Variants in STK32A observed in about 807,000 individuals in gnomAD.
The protein encoded by STK32A is serine/threonine kinase 32A, also known as serine/threonine-protein kinase 32A.
A neutral mutation model predicts 53.2 loss-of-function variants in STK32A; 41 were observed. That is an observed-to-expected ratio of 0.77 (90% confidence interval 0.60 to 1.00). The LOEUF (loss-of-function observed/expected upper bound fraction) is 1.00. STK32A is among the 50% of genes least tolerant of loss of function. The probability of loss-of-function intolerance (pLI) is 0.00; values close to 1 mark genes in which losing one functional copy is unlikely to be tolerated. For synonymous variants in STK32A, 166 were observed against 162.8 expected (o/e 1.02, Z -0.15); for missense variants, 458 against 485.8 (o/e 0.94, Z 0.54).
chr5:147,346,889 C>T (rs1755717350), intron 6 of STK32A, among the ~76,000 whole-genome samples: 2 of 152,154 alleles, frequency 1.3e-5, no homozygotes, highest in Non-Finnish European at 2.9e-5. Context: ...GAGGCAAAAA[C>T]TCAGCGTAGG....
chr5:147,256,397 C>T (rs1580995946), intron 2 of STK32A, among the ~76,000 whole-genome samples: 1 of 152,146 alleles, frequency 6.6e-6, no homozygotes, highest in Non-Finnish European at 1.5e-5. Context: ...GACTGGAGGA[C>T]CACCCTAGTG....
Position 147,312,124 on chromosome 5 carries a change from G to A in STK32A, c.261-11774G>A, listed in dbSNP as rs146685004. ...AACATTTATTTATTTATTTGAGATGGGGTTTCACTCTTGTTGCCCAGGCTG... is the reference window on the plus strand; with the variant it reads ...AACATTTATTTATTTATTTGAGATGAGGTTTCACTCTTGTTGCCCAGGCTG... On this transcript the variant is annotated intron_variant, in intron 4 of 12. Transcript: ENST00000397936. 2.6e-3 allele frequency among the ~76,000 whole-genome samples: 397 copies of A among 150,684 alleles called. 1 individual carries two copies. The highest frequency in any genetic ancestry group is 9.4e-3 in the African/African-American group (384 of 41,016).
intron 2 of STK32A, among the ~76,000 whole-genome samples, chr5:147,258,902 T>G (rs1305488203): frequency 2.6e-5 from 4 of 151,956 alleles, no homozygotes; most frequent in African/African-American, 9.7e-5. Context: ...TAACTCAGAA[T>G]TGGTATAGAT....
Position 147,321,595 on chromosome 5 carries a change from A to G in STK32A, c.261-2303A>G, listed in dbSNP as rs144466267. ...ACTGTTATTAACTTGCCACATTGGC[A>G]CCTTTATCACTTTGTTCTTTGAATA... On this transcript the variant is annotated intron_variant, in intron 4 of 12. Coordinates refer to ENST00000397936, the MANE Select transcript of STK32A (RefSeq NM_001112724.2). Among the ~76,000 whole-genome samples, 284 of 152,338 alleles carry G rather than the reference A, an allele frequency of 1.9e-3. 1 individual carries two copies. The highest frequency in any genetic ancestry group is 6.6e-3 in the African/African-American group (274 of 41,586).
chr5:147,251,327 T>A (rs1753986525), intron 2 of STK32A, among the ~76,000 whole-genome samples: 1 of 152,202 alleles, frequency 6.6e-6, no homozygotes, highest in Non-Finnish European at 1.5e-5. Flanking sequence ...AAGCAAATGA[T>A]GTGAAAATGT....
At chr5:147,320,404 C>T (rs764899478) in intron 4 of STK32A, among the ~76,000 whole-genome samples, 48 of 152,044 alleles carry the variant, frequency 3.2e-4, no homozygotes, top group Non-Finnish European at 5.3e-4. Context: ...ATAAGACCCA[C>T]CCAAAGCTTG....
At chr5:147,240,415 G>A (rs72822028) in intron 2 of STK32A, among the ~76,000 whole-genome samples, 23,729 of 152,204 alleles carry the variant, frequency 0.16, 1,929 homozygotes, top group Admixed American at 0.23. Flanking sequence ...CTGAGAGGGA[G>A]CTCTTCCGAG....
At chr5:147,397,784 C>T in the STK32A span, 1 of 1,614,130 alleles carries the variant, frequency 6.2e-7, no homozygotes, top group Non-Finnish European at 8.5e-7. Flanking sequence ...CTTGCCCTGG[C>T]AGATGACAAC....
intron 2 of STK32A, among the ~76,000 whole-genome samples, chr5:147,241,920 G>A (rs1753597438): frequency 6.6e-6 from 1 of 152,196 alleles, no homozygotes; most frequent in Non-Finnish European, 1.5e-5. Flanking sequence ...ATAGCATTAT[G>A]ATGAGAAAAC....
chr5:147,310,928 C>T (rs1279937241), intron 4 of STK32A, among the ~76,000 whole-genome samples: 1 of 151,948 alleles, frequency 6.6e-6, no homozygotes, highest in African/African-American at 2.4e-5. Context: ...ATATGTAAGC[C>T]GACAGATTAT....
intron 4 of STK32A, among the ~76,000 whole-genome samples, chr5:147,293,631 AT>A (rs1373143333): frequency 6.6e-6 from 1 of 152,088 alleles, no homozygotes; most frequent in Non-Finnish European, 1.5e-5. Context: ...CAAAGTGATA[AT>A]TCCAAGATTT....
At chr5:147,311,932 C>T (rs548811441) in intron 4 of STK32A, among the ~76,000 whole-genome samples, 1 of 152,002 alleles carries the variant, frequency 6.6e-6, no homozygotes, top group African/African-American at 2.4e-5. Flanking sequence ...TACCTGGGTG[C>T]TATGGAAGGG....
In STK32A at chr5:147,243,299, A is replaced by C. The variant is rs960338468; in HGVS notation, c.52+3613A>C. ...GAAGGTAATTAAGGAGCAAGATAAG[A>C]GGTTATTGGATGTCCCTTGAGATAA... On this transcript the variant is annotated intron_variant, in intron 2 of 12. Coordinates refer to ENST00000397936, the MANE Select transcript of STK32A (RefSeq NM_001112724.2). Among the ~76,000 whole-genome samples, 2 of 120,574 alleles carry C rather than the reference A, an allele frequency of 1.7e-5. 1 individual carries two copies. The highest frequency in any genetic ancestry group is 1.8e-4 in the Admixed American group (2 of 11,146). 79.1% of individuals were successfully genotyped at this position (120,574 alleles called of 152,430 possible). A position where few individuals can be genotyped will look rare whatever the true frequency, so the allele number is the denominator to read the frequency against.
At chr5:147,380,635 G>T (rs1168710686) in intron 11 of STK32A, among the ~76,000 whole-genome samples, 1 of 152,114 alleles carries the variant, frequency 6.6e-6, no homozygotes, top group Non-Finnish European at 1.5e-5. Flanking sequence ...TTCTCATTTT[G>T]ATGAAAAAGT....
At chr5:147,390,494 A>AAG (rs1581165087), downstream of STK32A, among the ~76,000 whole-genome samples, 1 of 150,622 alleles carries the variant, frequency 6.6e-6, no homozygotes, top group African/African-American at 2.5e-5. Flanking sequence ...AAAAAAAAAA[A>AAG]CCCAAAACAA....
At position 147,351,146 on chromosome 5, in the gene STK32A, C is replaced by T; in HGVS notation, c.554C>T (p.Pro185Leu). ...TQITTMAGTK[P>L]YMAPEMFSSR... ...ATTACCACCATGGCTGGCACCAAGC[C>T]TTACATGGGTATGGGTTTCATGAGT... The change falls in exon 7 of 13, where the codon CCT becomes CTT. Residue 185 changes from proline (P) to leucine (L), a missense_variant. Coordinates refer to ENST00000397936, the MANE Select transcript of STK32A (RefSeq NM_001112724.2). The T allele has an allele frequency of 6.2e-7, 1 of 1,613,688 alleles. No individual in the cohort carries two copies. Among genetic ancestry groups the T allele is most frequent in the Non-Finnish European group, 8.5e-7 (1 of 1,179,662 alleles).
chr5:147,237,139 C>G lies in STK32A; in HGVS notation c.-97+1940C>G, dbSNP rs989741254. ...CATCCTGGCTAACATGGTGAAACCC[C>G]ATCTCTACTAAAAATACAAAAAAAT... On this transcript the variant is annotated intron_variant, in intron 1 of 12. Transcript: ENST00000397936. Among the ~76,000 whole-genome samples, 3 of 151,994 alleles carry G rather than the reference C, an allele frequency of 2.0e-5. No individual in the cohort carries two copies. The East Asian group carries it at 5.8e-4, about 29-fold the overall frequency.
At chr5:147,344,380 C>T (rs1454519569) in intron 6 of STK32A, among the ~76,000 whole-genome samples, 1 of 152,160 alleles carries the variant, frequency 6.6e-6, no homozygotes, top group East Asian at 1.9e-4. Context: ...TTATTTCTTC[C>T]TTACCTTTAC....
At chr5:147,320,036 T>TA (rs11321175) in intron 4 of STK32A, among the ~76,000 whole-genome samples, 8 of 151,948 alleles carry the variant, frequency 5.3e-5, no homozygotes, top group East Asian at 1.9e-4. Context: ...AGTATATTCA[T>TA]AAAAAAAATC....
Sources: gnomAD v4.1 joint callset for allele counts (sites outside exome capture counted in the v4.1 genomes callset) on GRCh38, gnomAD v4.1.1 for gene constraint, MANE v1.5 for transcripts, NCBI Gene and HGNC (gene_info 2026-07-23, HGNC 2026-07-21) for gene names.